The following RPS20 variants were observed in gnomAD, a reference collection of about 807,000 sequenced individuals.
RPS20 encodes ribosomal protein S20, also known as small ribosomal subunit protein uS10.
RPS20 carries 3 observed loss-of-function variants against 15.3 expected under a neutral mutation model. That is an observed-to-expected ratio of 0.20 (90% CI 0.09 to 0.51). The LOEUF (loss-of-function observed/expected upper bound fraction) is 0.51. Among genes scored for constraint, RPS20 ranks in the 20% least tolerant of loss-of-function variants. The pLI, the probability that RPS20 is intolerant of heterozygous loss-of-function variation, is 0.96. For missense variants in RPS20, 67 were observed against 145.9 expected (o/e 0.46, Z 2.79); for synonymous variants, 62 against 47.8 (o/e 1.30, Z -1.23).
downstream of RPS20, chr8:56,072,952 C>T (rs906660228): frequency 1.4e-6 from 2 of 1,418,086 alleles, no homozygotes; most frequent in African/African-American, 1.4e-5. Context: ...CAGGATAGAC[C>T]ACTCTAAGAT....
downstream of RPS20, among the ~76,000 whole-genome samples, chr8:56,068,803 ATATCT>A (rs1563345608): frequency 1.1e-5 from 1 of 92,636 alleles, no homozygotes. Flanking sequence ...CTTGGTGAAA[ATATCT>A]TTTTTTTTTT....
Position 56,073,979 on chromosome 8 carries a change from C to T in RPS20, c.103+81G>A, listed in dbSNP as rs564435808. 1.2e-4 allele frequency: 143 copies of T among 1,240,592 alleles called. 1 individual carries two copies. In the African/African-American group the frequency reaches 1.7e-3, roughly 14 times the overall value. The allele number at this position is 1,240,592 out of a possible 1,614,324, so 76.8% of individuals were successfully genotyped here. On this transcript the variant is annotated intron_variant, in intron 2 of 3. Coordinates refer to ENST00000009589, the MANE Select transcript of RPS20 (RefSeq NM_001023.4). ...TTGTCACTTTAGTTCTTGCAGTCCACCTTCTACACTAACATTAACGAGTAA... is the reference window on the plus strand; with the variant it reads ...TTGTCACTTTAGTTCTTGCAGTCCATCTTCTACACTAACATTAACGAGTAA...
At position 56,074,147 on chromosome 8, in the gene RPS20, T is replaced by G. The variant is rs761123618; in HGVS notation, c.16A>C (p.Thr6Pro). The G allele has an allele frequency of 1.2e-6, 2 of 1,612,440 alleles. No individual in the cohort carries two copies. Among genetic ancestry groups the G allele is most frequent in the Admixed American group, 3.3e-5 (2 of 60,006 alleles). Residue 6 changes from threonine (T) to proline (P), a missense_variant, in exon 2 of 4, where the codon ACC becomes CCC. Transcript: ENST00000009589. MAFKD[T>P]GKTPVEPEVA... The stretch of plus-strand genomic sequence containing the variant: ...TCCGGCTCCACGGGTGTTTTTCCGG[T>G]ATCCTTAAAAGCCTATTATTAGATA...
chr8:56,071,132 T>C (rs192412422), downstream of RPS20, among the ~76,000 whole-genome samples: 29 of 152,356 alleles, frequency 1.9e-4, no homozygotes, highest in African/African-American at 6.7e-4. Context: ...TTAACCATTG[T>C]GAAAAAACAC....
chr8:56,071,984 G>C (rs561393318), downstream of RPS20, among the ~76,000 whole-genome samples: 7 of 152,278 alleles, frequency 4.6e-5, no homozygotes, highest in African/African-American at 1.4e-4. Flanking sequence ...GCTCACTCCT[G>C]TAACACCAGC....
downstream of RPS20, among the ~76,000 whole-genome samples, chr8:56,071,278 T>C (rs1369100849): frequency 6.6e-6 from 1 of 152,214 alleles, no homozygotes; most frequent in East Asian, 1.9e-4. Context: ...ATTTCCTCAG[T>C]CAGTTCTCAA....
chr8:56,070,427 G>A (rs1021756524), downstream of RPS20, among the ~76,000 whole-genome samples: 1 of 152,092 alleles, frequency 6.6e-6, no homozygotes, highest in Non-Finnish European at 1.5e-5. Context: ...GGCACTCTAC[G>A]GATGTCATGT....
chr8:56,070,235 T>C (rs1417242476), downstream of RPS20, among the ~76,000 whole-genome samples: 1 of 152,178 alleles, frequency 6.6e-6, no homozygotes, highest in Non-Finnish European at 1.5e-5. Flanking sequence ...CACCCATATA[T>C]GCATTTGAGA....
intron 2 of RPS20, 119 bp downstream of exon 2, chr8:56,073,940 CT>C: frequency 4.4e-6 from 5 of 1,133,124 alleles, no homozygotes; most frequent in Non-Finnish European, 5.4e-6. Context: ...CCACGCTTTA[CT>C]TTTTTAAGTA....
chr8:56,068,791 C>T (rs1188593817), downstream of RPS20, among the ~76,000 whole-genome samples: 2 of 84,330 alleles, frequency 2.4e-5, no homozygotes, highest in African/African-American at 8.4e-5. Flanking sequence ...TTTCCATATT[C>T]TCTTGGTGAA....
rs1386158755 is a variant in RPS20 at position 56,074,151 on chromosome 8, C to T, written c.12G>A (p.Lys4=). Residue 4 remains lysine (K), a synonymous_variant, in exon 2 of 4, where the codon AAG becomes AAA. Transcript: ENST00000009589. ...GCTCCACGGGTGTTTTTCCGGTATC[C>T]TTAAAAGCCTATTATTAGATACATG... MAF[K]DTGKTPVEPE... The T allele has an allele frequency of 2.5e-6, 4 of 1,611,550 alleles. No homozygotes were observed. Among genetic ancestry groups the T allele is most frequent in the Non-Finnish European group, 2.5e-6 (3 of 1,179,552 alleles).
chr8:56,073,320 T>C (rs749847601), intron 3 of RPS20, 48 bp from the exon 4 acceptor site: 1 of 1,177,914 alleles, frequency 8.5e-7, no homozygotes, highest in Non-Finnish European at 1.3e-6. Context: ...TTTATACTTA[T>C]CCCTAGAACA....
downstream of RPS20, among the ~76,000 whole-genome samples, chr8:56,072,555 C>T (rs367978462): frequency 1.4e-5 from 2 of 148,100 alleles, no homozygotes; most frequent in African/African-American, 5.0e-5. Context: ...CCGTCCCCCC[C>T]CCCAAAAAAA....
At chr8:56,069,362 A>G (rs1022085200), downstream of RPS20, among the ~76,000 whole-genome samples, 2 of 151,688 alleles carry the variant, frequency 1.3e-5, no homozygotes, top group Admixed American at 1.3e-4. Flanking sequence ...TATACTCGAC[A>G]ATCTCAACTC....
At chr8:56,073,436 T>C in intron 3 of RPS20, 164 bp from the exon 4 acceptor site, 2 of 650,916 alleles carry the variant, frequency 3.1e-6, no homozygotes, top group Non-Finnish European at 5.3e-6. Flanking sequence ...GCCAGGTCTG[T>C]TTTCACTGTG....
At chr8:56,070,966 T>C (rs1200427023), downstream of RPS20, among the ~76,000 whole-genome samples, 1 of 152,222 alleles carries the variant, frequency 6.6e-6, no homozygotes, top group Non-Finnish European at 1.5e-5. Flanking sequence ...ATTTAATCTA[T>C]CCTGAATTCC....
chr8:56,071,968 A>G (rs1045686144), downstream of RPS20, among the ~76,000 whole-genome samples: 1 of 152,242 alleles, frequency 6.6e-6, no homozygotes, highest in Non-Finnish European at 1.5e-5. Flanking sequence ...TAGGCTGGGT[A>G]CAGTGGCTCA....
Position 56,073,683 on chromosome 8 carries a change from G to A in RPS20, c.177+12C>T, listed in dbSNP as rs752988623. The A allele has an allele frequency of 1.9e-6, 3 of 1,610,580 alleles. No individual in the cohort carries two copies. Among genetic ancestry groups the A allele is most frequent in the South Asian group, 1.1e-5 (1 of 90,970 alleles). ...AGCAACTCCTACTTCCTGCCCCTCC[G>A]ATTTACTTTACCTTGGTAGGCATTC... On this transcript the variant is annotated intron_variant, in intron 3 of 3. Transcript: ENST00000009589.
chr8:56,069,609 T>C (rs1182052944), downstream of RPS20: 4 of 915,716 alleles, frequency 4.4e-6, no homozygotes, highest in African/African-American at 1.6e-5. Context: ...ATAGTTCCTC[T>C]TACTTTCAAA....
Sources: allele counts gnomAD v4.1 joint callset (sites outside exome capture counted in the v4.1 genomes callset), GRCh38; gene constraint gnomAD v4.1.1; transcripts MANE v1.5; gene names NCBI Gene and HGNC (gene_info 2026-07-23, HGNC 2026-07-21).